The following MYO1D variants were observed in gnomAD, a reference collection of about 807,000 sequenced individuals.
MYO1D encodes the protein unconventional myosin-Id.
In MYO1D, 83 loss-of-function variants were observed where a neutral mutation model predicts 122.0. That is an observed-to-expected ratio of 0.68 (90% CI 0.57 to 0.82). MYO1D has a LOEUF of 0.82. Among genes scored for constraint, MYO1D ranks in the 40% least tolerant of loss-of-function variants. The pLI is 0.00. For missense variants in MYO1D, 1,157 were observed against 1,269.5 expected (o/e 0.91, Z 1.35); for synonymous variants, 464 against 446.9 (o/e 1.04, Z -0.48).
intron 1 of MYO1D, among the ~76,000 whole-genome samples, chr17:32,844,120 CTATTA>C (rs1290886708): frequency 6.7e-6 from 1 of 149,526 alleles, no homozygotes; most frequent in Non-Finnish European, 1.5e-5. Flanking sequence ...ATTAAATATT[CTATTA>C]TATGTAACAC....
intron 15 of MYO1D, among the ~76,000 whole-genome samples, chr17:32,720,713 T>C (rs953617026): frequency 2.6e-5 from 4 of 152,158 alleles, no homozygotes; most frequent in Non-Finnish European, 5.9e-5. Context: ...TTCTGGCCCA[T>C]GATCAAGCAG....
At position 32,502,573 on chromosome 17, in the gene MYO1D, T is replaced by A. The variant is rs564411578; in HGVS notation, c.2865-7658A>T. ...GTATTTTACCACAATAATTTTTTTT[T>A]AAAATGTGGATTGACCTAAATGAAA... is the stretch of plus-strand genomic sequence containing the variant. On this transcript the variant is annotated intron_variant, in intron 21 of 21. Transcript: ENST00000318217. 1.3e-3 allele frequency among the ~76,000 whole-genome samples: 201 copies of A among 152,352 alleles called. 8 individuals are homozygous for A. In the South Asian group the frequency reaches 0.037, roughly 28 times the overall value.
At chr17:32,641,405 T>A (rs1005787210) in intron 19 of MYO1D, among the ~76,000 whole-genome samples, 1 of 152,148 alleles carries the variant, frequency 6.6e-6, no homozygotes, top group African/African-American at 2.4e-5. Context: ...TACGTGTGCA[T>A]GTGTCTTTAT....
At chr17:32,683,979 C>T (rs951406214) in intron 16 of MYO1D, among the ~76,000 whole-genome samples, 2 of 152,184 alleles carry the variant, frequency 1.3e-5, no homozygotes, top group East Asian at 1.9e-4. Flanking sequence ...GCCTGAAAAG[C>T]GCAATATTCG....
intron 21 of MYO1D, among the ~76,000 whole-genome samples, chr17:32,592,744 C>T (rs1277755006): frequency 6.6e-6 from 1 of 151,516 alleles, no homozygotes; most frequent in Non-Finnish European, 1.5e-5. Context: ...TAAAGTACAA[C>T]AATGTAGGGG....
At chr17:32,697,316 C>T (rs910397817) in intron 16 of MYO1D, among the ~76,000 whole-genome samples, 5 of 152,318 alleles carry the variant, frequency 3.3e-5, no homozygotes, top group African/African-American at 1.2e-4. Context: ...GTTGTAAATG[C>T]TACCCATTTC....
intron 16 of MYO1D, among the ~76,000 whole-genome samples, chr17:32,700,769 C>T (rs921108991): frequency 2.0e-5 from 3 of 151,648 alleles, no homozygotes; most frequent in Admixed American, 2.0e-4. Context: ...CATGGTGAAA[C>T]CCTGTTTCTA....
intron 16 of MYO1D, among the ~76,000 whole-genome samples, chr17:32,677,579 A>AT (rs2088834749): frequency 1.0e-4 from 9 of 89,138 alleles, no homozygotes; most frequent in South Asian, 4.3e-4. Flanking sequence ...ATAGATAGAT[A>AT]AATATATATA....
chr17:32,764,364 T>C (rs907427816), intron 8 of MYO1D, among the ~76,000 whole-genome samples: 4 of 152,126 alleles, frequency 2.6e-5, no homozygotes, highest in African/African-American at 9.7e-5. Context: ...CAAAGCGTGG[T>C]GACTGTTAAT....
chr17:32,725,117 T>C (rs1205852939), intron 14 of MYO1D, among the ~76,000 whole-genome samples: 2 of 152,122 alleles, frequency 1.3e-5, no homozygotes, highest in African/African-American at 4.8e-5. Context: ...GAATTTTGTA[T>C]AGAACCAGAA....
At chr17:32,551,556 CCACACA>C (rs56031542) in intron 21 of MYO1D, among the ~76,000 whole-genome samples, 2,458 of 150,380 alleles carry the variant, frequency 0.016, 58 homozygotes, top group African/African-American at 0.055. Context: ...CATCCCACTG[CCACACA>C]CACACACACA....
At chr17:32,862,903 C>A (rs2091090063) in intron 1 of MYO1D, 1 of 152,196 alleles carries the variant, frequency 6.6e-6, no homozygotes, top group South Asian at 2.1e-4. Context: ...ATGAGACTCA[C>A]CTGGGCACTA....
At position 32,653,867 on chromosome 17, in the gene MYO1D, G is replaced by A. The variant is rs1469013568; in HGVS notation, c.2571C>T (p.Val857=). ...CCTTACGGACGTGACAGGAAAAGAG[G>A]ACATTCATGTATTTGTCCTTCCGTT... ...ELKRKDKYMN[V]LFSCHVRKVN... Residue 857 remains valine, a synonymous_variant, in exon 19 of 22, where the codon GTC becomes GTT. Transcript: ENST00000318217. 3 of 1,613,820 alleles carry A rather than the reference G, an allele frequency of 1.9e-6. No homozygotes were observed. Among genetic ancestry groups the A allele is most frequent in the East Asian group, 2.2e-5 (1 of 44,856 alleles).
In MYO1D at chr17:32,721,016, T is replaced by C. The variant is rs2089503379; in HGVS notation, c.1913+7A>G. Reference sequence around the variant, plus strand: ...GAACTAGGCCTCTCTGACGAGTCTATTCTCACCTGTGAAGAAACTTCTCGT... The same window carrying C: ...GAACTAGGCCTCTCTGACGAGTCTACTCTCACCTGTGAAGAAACTTCTCGT... On this transcript the variant is annotated splice_region_variant and intron_variant, in intron 15 of 21. Transcript: ENST00000318217. 9 of 1,613,574 alleles carry C rather than the reference T, an allele frequency of 5.6e-6. No homozygotes were observed. Among genetic ancestry groups the C allele is most frequent in the African/African-American group, 2.7e-5 (2 of 75,066 alleles).
At position 32,675,629 on chromosome 17, in the gene MYO1D, ATT is replaced by A. The variant is rs575722585; in HGVS notation, c.2122-16293_2122-16292del. Among the ~76,000 whole-genome samples, 8 of 152,178 alleles carry A rather than the reference ATT, an allele frequency of 5.3e-5. No homozygotes were observed. In the South Asian group the frequency reaches 1.0e-3, roughly 20 times the overall value. On this transcript the variant is annotated intron_variant, in intron 16 of 21. Transcript: ENST00000318217. ...AAAATAAATTTATATCTTCTTAGTA[ATT>A]TGTAATTCTTTTGGTGAACTGTGTA...
chr17:32,784,263 C>T (rs771983912), intron 1 of MYO1D, among the ~76,000 whole-genome samples: 4 of 152,140 alleles, frequency 2.6e-5, no homozygotes, highest in Non-Finnish European at 4.4e-5. Flanking sequence ...TTCCCAAGAG[C>T]GCCATGTCTT....
At chr17:32,620,368 G>C (rs923914067) in intron 20 of MYO1D, among the ~76,000 whole-genome samples, 1 of 152,080 alleles carries the variant, frequency 6.6e-6, no homozygotes, top group Admixed American at 6.6e-5. Context: ...TTTCCCCCTG[G>C]TGCTTTTCTG....
At chr17:32,739,253 T>A (rs1386986719) in intron 13 of MYO1D, among the ~76,000 whole-genome samples, 1 of 150,066 alleles carries the variant, frequency 6.7e-6, no homozygotes, top group East Asian at 2.0e-4. Flanking sequence ...CAAATGTCCA[T>A]CAATGATAGA....
chr17:32,695,366 G>A (rs148308687), intron 16 of MYO1D, among the ~76,000 whole-genome samples: 9 of 152,350 alleles, frequency 5.9e-5, no homozygotes, highest in Non-Finnish European at 1.3e-4. Context: ...CTGCTGTGCG[G>A]CCTGGTTCCT....
Sources: allele counts gnomAD v4.1 joint callset (sites outside exome capture counted in the v4.1 genomes callset), GRCh38; gene constraint gnomAD v4.1.1; transcripts MANE v1.5; gene names NCBI Gene and HGNC (gene_info 2026-07-23, HGNC 2026-07-21).